Variants in SLC38A6 observed in about 807,000 individuals in gnomAD.
The protein encoded by SLC38A6 is N system amino acid transporter NAT-1.
A neutral mutation model predicts 65.0 loss-of-function variants in SLC38A6; 73 were observed. The ratio of observed to expected loss-of-function variants is 1.12; its 90% CI spans 0.93 to 1.37. The LOEUF is 1.37. Ranked by LOEUF, SLC38A6 falls within the 40% of genes most tolerant of loss-of-function variation. The pLI is 0.00. For missense variants in SLC38A6, 561 were observed against 531.1 expected, an observed-to-expected ratio of 1.06 and a Z score of -0.55; for synonymous variants, 183 against 178.8, an observed-to-expected ratio of 1.02 and a Z score of -0.19.
At chr14:60,997,027 A>G (rs1025609882) in intron 3 of SLC38A6, among the ~76,000 whole-genome samples, 1 of 152,222 alleles carries the variant, frequency 6.6e-6, no homozygotes, top group African/African-American at 2.4e-5. Flanking sequence ...CAAAGAAACA[A>G]GGAATCAGGC....
chr14:61,030,299 G>C (rs2040889682), intron 5 of SLC38A6, 146 bp from the exon 6 acceptor site: 2 of 495,670 alleles, frequency 4.0e-6, no homozygotes, highest in Non-Finnish European at 7.3e-6. Flanking sequence ...GTGTGTGTGT[G>C]TATGTATCTT....
chr14:61,014,137 T>G (rs1197321483), intron 3 of SLC38A6, among the ~76,000 whole-genome samples: 2 of 152,360 alleles, frequency 1.3e-5, no homozygotes, highest in Middle Eastern at 3.4e-3. Context: ...ATTCATTTGA[T>G]CTTTCATCAC....
At chr14:61,039,297 AC>A (rs1331755198) in intron 8 of SLC38A6, among the ~76,000 whole-genome samples, 2 of 152,220 alleles carry the variant, frequency 1.3e-5, no homozygotes, top group Non-Finnish European at 2.9e-5. Flanking sequence ...AGTTTAATCT[AC>A]AGTGGGGCAA....
At chr14:61,036,410 A>G (rs1220856054) in intron 6 of SLC38A6, among the ~76,000 whole-genome samples, 1 of 135,914 alleles carries the variant, frequency 7.4e-6, no homozygotes, top group Non-Finnish European at 1.6e-5. Context: ...ACATGAACAC[A>G]GGGAGGGGAA....
At chr14:60,984,089 A>G (rs891013607) in intron 2 of SLC38A6, among the ~76,000 whole-genome samples, 1 of 152,208 alleles carries the variant, frequency 6.6e-6, no homozygotes, top group Non-Finnish European at 1.5e-5. Flanking sequence ...TGAATAGGAA[A>G]TTATCTAAGT....
chr14:61,083,065 T>C (rs1237080735), intron 16 of SLC38A6, among the ~76,000 whole-genome samples: 2 of 152,208 alleles, frequency 1.3e-5, no homozygotes, highest in African/African-American at 4.8e-5. Context: ...CCACACCAAA[T>C]AGTTTGAGCT....
chr14:61,078,340 T>G (rs1450025529), intron 15 of SLC38A6, among the ~76,000 whole-genome samples: 1 of 152,184 alleles, frequency 6.6e-6, no homozygotes, highest in African/African-American at 2.4e-5. Flanking sequence ...ATACTCCTGT[T>G]TGGAAAGAAA....
rs1257053919 is a variant in SLC38A6 at position 61,037,095 on chromosome 14, CAT to C, written c.522_523del (p.Ile174MetfsTer22). ...YLDGQTLLII[I>X]CVGIVFPLAL... ...TTGATGGACAAACACTACTAATAAT[CAT>C]ATGTGTTGGCATTGTGTTCCCTCTT... On this transcript the variant is annotated frameshift_variant, in exon 7 of 16. Transcript: ENST00000267488. LOFTEE classifies it high-confidence loss of function. 6.2e-7 allele frequency: 1 copy of C among 1,607,402 alleles called. No individual in the cohort carries two copies. The highest frequency in any genetic ancestry group is 2.2e-5 in the East Asian group (1 of 44,606).
chr14:60,992,060 A>C (rs72723915), intron 3 of SLC38A6, among the ~76,000 whole-genome samples: 134 of 152,308 alleles, frequency 8.8e-4, no homozygotes, highest in Non-Finnish European at 1.7e-3. Flanking sequence ...CAGGTAGAAG[A>C]AGGGAAGAGA....
intron 8 of SLC38A6, 121 bp downstream of exon 8, chr14:61,037,804 A>G: frequency 3.3e-6 from 2 of 610,152 alleles, no homozygotes; most frequent in Non-Finnish European, 5.5e-6. Flanking sequence ...TCACTGTGTT[A>G]TTAAAAGCAC....
chr14:61,043,234 T>G, intron 9 of SLC38A6, 22 bp downstream of exon 9: 1 of 1,385,268 alleles, frequency 7.2e-7, no homozygotes, highest in East Asian at 2.3e-5. Context: ...TATTTTCTTT[T>G]CAGTTTCTTC....
At chr14:60,997,230 G>A (rs1191019872) in intron 3 of SLC38A6, among the ~76,000 whole-genome samples, 1 of 152,080 alleles carries the variant, frequency 6.6e-6, no homozygotes, top group Non-Finnish European at 1.5e-5. Flanking sequence ...AGGCTCAAGT[G>A]ATCCTCCCAC....
chr14:61,079,940 G>C (rs1420701586), intron 16 of SLC38A6, among the ~76,000 whole-genome samples: 1 of 152,094 alleles, frequency 6.6e-6, no homozygotes, highest in Admixed American at 6.5e-5. Flanking sequence ...AGAGCTTCTA[G>C]AACAGTCCCC....
chr14:61,009,091 G>T (rs2039359828), intron 3 of SLC38A6, among the ~76,000 whole-genome samples: 1 of 152,134 alleles, frequency 6.6e-6, no homozygotes, highest in South Asian at 2.1e-4. Flanking sequence ...AGAAAAAAAG[G>T]TTACTTCTTT....
Position 61,083,643 on chromosome 14 carries a change from C to T in SLC38A6, c.1497C>T (p.Gly499=), listed in dbSNP as rs559200905. 55 of 1,550,426 alleles carry T rather than the reference C, an allele frequency of 3.5e-5. 1 individual carries two copies. The South Asian group carries it at 5.1e-4, about 14-fold the overall frequency. The change falls in exon 17 of 17, where the codon GGC becomes GGT. Residue 499 remains glycine, a synonymous_variant. Coordinates refer to the SLC38A6 transcript ENST00000354886. ...ACTGTTTACAAGCCAAGGGAAGAGG[C>T]CTCAGGAGAACCAAACGTGTCCACA...
intron 3 of SLC38A6, among the ~76,000 whole-genome samples, chr14:61,009,504 A>G (rs2039394010): frequency 6.6e-6 from 1 of 152,108 alleles, no homozygotes; most frequent in East Asian, 1.9e-4. Flanking sequence ...ATCATTTAGC[A>G]TTAGGTATAT....
At chr14:61,021,388 A>T (rs1036103643) in intron 5 of SLC38A6, among the ~76,000 whole-genome samples, 5 of 152,220 alleles carry the variant, frequency 3.3e-5, no homozygotes, top group African/African-American at 1.2e-4. Context: ...CAGAGGGCAG[A>T]ACTGGTGCTA....
At chr14:61,036,098 T>C (rs2041344912) in intron 6 of SLC38A6, among the ~76,000 whole-genome samples, 1 of 152,030 alleles carries the variant, frequency 6.6e-6, no homozygotes. Context: ...AGAAGAAAAA[T>C]GACCTATTAT....
At chr14:61,073,560 T>A (rs1171791096) in intron 15 of SLC38A6, among the ~76,000 whole-genome samples, 1 of 152,084 alleles carries the variant, frequency 6.6e-6, no homozygotes, top group Non-Finnish European at 1.5e-5. Flanking sequence ...ATTATCAAAT[T>A]TGGTTTGTTT....
Sources: gnomAD v4.1 joint callset for allele counts (sites outside exome capture counted in the v4.1 genomes callset) on GRCh38, gnomAD v4.1.1 for gene constraint, MANE v1.5 for transcripts, NCBI Gene and HGNC (gene_info 2026-07-23, HGNC 2026-07-21) for gene names.